PDZRN3: variants seen among roughly 807,000 people sequenced by gnomAD.
The protein encoded by PDZRN3 is E3 ubiquitin-protein ligase PDZRN3.
Under a neutral mutation model 85.7 loss-of-function variants are expected in PDZRN3, and 38 were observed. The observed-to-expected ratio is 0.44, with a 90% CI of 0.34 to 0.58. The LOEUF is 0.58. Among genes scored for constraint, PDZRN3 ranks in the 20% least tolerant of loss-of-function variants. The pLI, the probability that PDZRN3 is intolerant of heterozygous loss-of-function variation, is 0.01. For missense variants in PDZRN3, 1,629 were observed against 1,506.4 expected, an observed-to-expected ratio of 1.08 and a Z score of -1.35; for synonymous variants, 759 against 638.0, an observed-to-expected ratio of 1.19 and a Z score of -2.86.
intron 4 of PDZRN3, among the ~76,000 whole-genome samples, chr3:73,403,519 C>T (rs1482117124): frequency 6.6e-6 from 1 of 152,164 alleles, no homozygotes; most frequent in Non-Finnish European, 1.5e-5. Flanking sequence ...AAGTAAGTTA[C>T]CCAAGTTCCA....
intron 3 of PDZRN3, among the ~76,000 whole-genome samples, chr3:73,492,609 C>T (rs970735636): frequency 2.0e-5 from 3 of 152,196 alleles, no homozygotes; most frequent in African/African-American, 7.2e-5. Flanking sequence ...AGATAAGGCA[C>T]ATTCAGCAGA....
intron 1 of PDZRN3, chr3:73,623,627 A>AT (rs535821665): frequency 1.9e-3 from 294 of 151,218 alleles, no homozygotes; most frequent in African/African-American, 6.7e-3. Context: ...GGTTCCCTTT[A>AT]TTTTTTTTTC....
At chr3:73,452,723 A>T (rs34657490) in intron 3 of PDZRN3, among the ~76,000 whole-genome samples, 345 of 152,256 alleles carry the variant, frequency 2.3e-3, no homozygotes, top group Non-Finnish European at 4.1e-3. Context: ...GTTGTGAGTT[A>T]CTCTGATGCT....
chr3:73,449,267 C>T (rs193163174), intron 3 of PDZRN3, among the ~76,000 whole-genome samples: 140 of 152,082 alleles, frequency 9.2e-4, no homozygotes, highest in Middle Eastern at 3.4e-3. Flanking sequence ...CTGTCAAACT[C>T]GGCGAGGAAC....
chr3:73,471,301 C>G (rs1703335332), intron 3 of PDZRN3, among the ~76,000 whole-genome samples: 1 of 149,374 alleles, frequency 6.7e-6, no homozygotes, highest in African/African-American at 2.5e-5. Context: ...AAAAAAAGGT[C>G]CCCCCCCAGG....
chr3:73,441,222 G>A (rs1702629035), intron 3 of PDZRN3, among the ~76,000 whole-genome samples: 1 of 152,002 alleles, frequency 6.6e-6, no homozygotes, highest in Non-Finnish European at 1.5e-5. Flanking sequence ...AGACCATCCT[G>A]GCCAACATGG....
At position 73,388,064 on chromosome 3, in the gene PDZRN3, A is replaced by G. The variant is rs753772992; in HGVS notation, c.1422T>C (p.Asn474=). The change falls in exon 8 of 10, where the codon AAT becomes AAC. Residue 474 remains asparagine (N), a synonymous_variant. Coordinates refer to ENST00000263666, the MANE Select transcript of PDZRN3 (RefSeq NM_015009.3). ...IREGDRIIQI[N]GIEVQNREEA... ...CTTCACGGTTCTGCACCTCTATCCC[A>G]TTAATCTTTTAAAAAAAAAGGGGGG... The G allele has an allele frequency of 2.6e-6, 3 of 1,146,744 alleles. No individual in the cohort carries two copies. The highest frequency in any genetic ancestry group is 2.4e-5 in the Admixed American group (1 of 41,194). 71.0% of individuals were successfully genotyped at this position (1,146,744 alleles called of 1,614,324 possible). A position where few individuals can be genotyped will look rare whatever the true frequency, so the allele number is the denominator to read the frequency against.
chr3:73,394,352 G>A (rs1055630480), intron 5 of PDZRN3, among the ~76,000 whole-genome samples: 23 of 152,224 alleles, frequency 1.5e-4, no homozygotes, highest in African/African-American at 5.3e-4. Context: ...GCAGAATGGC[G>A]TAGAGCCCAA....
chr3:73,558,888 G>A (rs149556601), intron 3 of PDZRN3, among the ~76,000 whole-genome samples: 1 of 152,320 alleles, frequency 6.6e-6, no homozygotes, highest in Non-Finnish European at 1.5e-5. Context: ...GACAGCCTAC[G>A]CAAAGGGATC....
intron 3 of PDZRN3, among the ~76,000 whole-genome samples, chr3:73,574,729 C>A (rs1368915675): frequency 1.3e-5 from 2 of 152,190 alleles, no homozygotes; most frequent in African/African-American, 4.8e-5. Context: ...AAAGGGGGAA[C>A]AAGCACTTTT....
chr3:73,463,829 A>T (rs1217898214), intron 3 of PDZRN3, among the ~76,000 whole-genome samples: 2 of 152,196 alleles, frequency 1.3e-5, no homozygotes, highest in Non-Finnish European at 1.5e-5. Flanking sequence ...CCATGGAAAA[A>T]TAACTAATGG....
intron 3 of PDZRN3, among the ~76,000 whole-genome samples, chr3:73,520,613 C>T (rs2106727962): frequency 6.6e-6 from 1 of 152,254 alleles, no homozygotes; most frequent in Non-Finnish European, 1.5e-5. Flanking sequence ...ATACTTGGGT[C>T]TCAATTAGCA....
At chr3:73,477,441 A>ATAATTCC (rs1703478906) in intron 3 of PDZRN3, among the ~76,000 whole-genome samples, 1 of 152,218 alleles carries the variant, frequency 6.6e-6, no homozygotes, top group African/African-American at 2.4e-5. Flanking sequence ...AGTGAGACAG[A>ATAATTCC]TAATTCCTGG....
At chr3:73,569,598 C>A in intron 3 of PDZRN3, 1 of 1,015,270 alleles carries the variant, frequency 9.8e-7, no homozygotes, top group South Asian at 4.0e-5. Context: ...GACAGACAGC[C>A]CTGTGCCAAA....
intron 3 of PDZRN3, among the ~76,000 whole-genome samples, chr3:73,424,928 T>C (rs1000651523): frequency 2.6e-5 from 4 of 152,058 alleles, no homozygotes; most frequent in African/African-American, 7.2e-5. Context: ...ACCATAATGA[T>C]GGAAAGCAAT....
intron 3 of PDZRN3, chr3:73,569,088 C>T (rs1220389540): frequency 9.9e-7 from 1 of 1,014,366 alleles, no homozygotes; most frequent in African/African-American, 1.7e-5. Context: ...TGTGCTGCAG[C>T]TGAACTTTGA....
intron 3 of PDZRN3, among the ~76,000 whole-genome samples, chr3:73,600,335 A>ACTCTCT (rs555285407): frequency 0.081 from 3,760 of 46,186 alleles, 85 homozygotes; most frequent in East Asian, 0.31. Flanking sequence ...ACACACACAC[A>ACTCTCT]CACTCTCTCT....
At chr3:73,588,120 G>A (rs552495581) in intron 3 of PDZRN3, among the ~76,000 whole-genome samples, 1 of 152,204 alleles carries the variant, frequency 6.6e-6, no homozygotes, top group South Asian at 2.1e-4. Context: ...GGTGTGTGCT[G>A]TTCCTCTCTG....
intron 8 of PDZRN3, among the ~76,000 whole-genome samples, chr3:73,386,214 G>C (rs1358916098): frequency 8.5e-6 from 1 of 117,930 alleles, no homozygotes; most frequent in African/African-American, 2.9e-5. Context: ...GTTTGGCTTG[G>C]GCAAGATATC....
Sources: allele counts gnomAD v4.1 joint callset (sites outside exome capture counted in the v4.1 genomes callset), GRCh38; gene constraint gnomAD v4.1.1; transcripts MANE v1.5; gene names NCBI Gene and HGNC (gene_info 2026-07-23, HGNC 2026-07-21).